The following EIF3H variants were observed in gnomAD, a reference collection of about 807,000 sequenced individuals.
The protein encoded by EIF3H is eIF-3-gamma.
EIF3H carries 26 observed loss-of-function variants against 44.2 expected under a neutral mutation model. The ratio of observed to expected loss-of-function variants is 0.59; its 90% confidence interval spans 0.43 to 0.82. EIF3H has a LOEUF of 0.82. Among genes scored for constraint, EIF3H ranks in the 40% least tolerant of loss-of-function variants. The pLI is 0.00. For missense variants in EIF3H, 359 were observed against 432.8 expected (o/e 0.83, Z 1.51); for synonymous variants, 166 against 151.9 (o/e 1.09, Z -0.68).
chr8:116,730,713 A>C (rs1814937359), intron 1 of EIF3H, among the ~76,000 whole-genome samples: 1 of 152,196 alleles, frequency 6.6e-6, no homozygotes, highest in Admixed American at 6.5e-5. Context: ...TCCCATAAAA[A>C]TGAAAGGATG....
intron 1 of EIF3H, among the ~76,000 whole-genome samples, chr8:116,755,216 G>C (rs1815419781): frequency 6.6e-6 from 1 of 152,180 alleles, no homozygotes; most frequent in Non-Finnish European, 1.5e-5. Context: ...CGAAGTACAG[G>C]CTCAAAAGAG....
intron 2 of EIF3H, among the ~76,000 whole-genome samples, chr8:116,665,813 A>G (rs1210143912): frequency 2.0e-5 from 3 of 152,236 alleles, no homozygotes; most frequent in Non-Finnish European, 2.9e-5. Flanking sequence ...CTTTTTGCCA[A>G]GCTGCACATA....
chr8:116,652,733 A>G (rs1002984047), intron 5 of EIF3H, among the ~76,000 whole-genome samples: 1 of 152,148 alleles, frequency 6.6e-6, no homozygotes, highest in Admixed American at 6.5e-5. Flanking sequence ...AAATTTAAAC[A>G]TAAATTTTTA....
At chr8:116,684,657 C>G (rs916769688) in intron 2 of EIF3H, among the ~76,000 whole-genome samples, 8 of 152,040 alleles carry the variant, frequency 5.3e-5, no homozygotes, top group Admixed American at 5.2e-4. Flanking sequence ...CTTTTCCAGA[C>G]TCAGAATTAT....
At chr8:116,764,986 T>A (rs779191470) in intron 1 of EIF3H, among the ~76,000 whole-genome samples, 2 of 152,106 alleles carry the variant, frequency 1.3e-5, no homozygotes, top group Non-Finnish European at 2.9e-5. Context: ...AAGACTAAAA[T>A]CCCTAGTGCT....
chr8:116,657,302 G>C lies in EIF3H; in HGVS notation c.470C>G (p.Thr157Ser). 2.5e-6 allele frequency: 4 copies of C among 1,612,382 alleles called. No individual in the cohort carries two copies. The highest frequency in any genetic ancestry group is 3.4e-6 in the Non-Finnish European group (4 of 1,178,588). ...SVVLIYDPIK[T>S]AQGSLSLKAY... ...CTTTAGTGAGAGAGATCCTTGGGCA[G>C]TTTTTATGGGATCTCAAACAAGGAA... The change falls in exon 4 of 8, where the codon ACT (threonine) becomes AGT (serine). Residue 157 changes from threonine (T) to serine (S), a missense_variant. Physicochemically the swap from Thr to Ser is moderately conservative, Grantham distance 58. Coordinates refer to ENST00000521861, the MANE Select transcript of EIF3H (RefSeq NM_003756.3).
At chr8:116,704,275 T>C (rs1814431243) in intron 2 of EIF3H, among the ~76,000 whole-genome samples, 1 of 152,218 alleles carries the variant, frequency 6.6e-6, no homozygotes. Context: ...TACTCAACTC[T>C]TAAAAGAGCC....
At chr8:116,706,948 C>T (rs892694500) in intron 2 of EIF3H, among the ~76,000 whole-genome samples, 1 of 152,108 alleles carries the variant, frequency 6.6e-6, no homozygotes, top group Non-Finnish European at 1.5e-5. Context: ...TAAGCTATGA[C>T]GTTTGGTAGG....
intron 2 of EIF3H, among the ~76,000 whole-genome samples, chr8:116,679,117 A>C (rs1344986332): frequency 8.8e-5 from 1 of 11,380 alleles, no homozygotes; most frequent in South Asian, 4.2e-3. Flanking sequence ...GGGAGGGGGG[A>C]GGGGGGGTCA....
At chr8:116,739,449 G>A (rs548474072) in intron 1 of EIF3H, among the ~76,000 whole-genome samples, 1 of 152,312 alleles carries the variant, frequency 6.6e-6, no homozygotes, top group African/African-American at 2.4e-5. Flanking sequence ...AGGAGATCGA[G>A]ACCATCCTGG....
Position 116,646,517 on chromosome 8 carries a change from G to C in EIF3H, c.915C>G (p.Phe305Leu), listed in dbSNP as rs1376804105. The change falls in exon 7 of 8, where the codon TTC becomes TTG. Residue 305 changes from phenylalanine (F) to leucine (L), a missense_variant. This residue lies in a region of EIF3H where 94 missense variants were observed against 96.0 expected (regional missense o/e 0.98). Transcript: ENST00000521861. Reference sequence around the variant, plus strand: ...TCCTGGCAGGCGGCTGTGGTGGTTTGAAGAGTTTGGACAGGTCCTCCTCAG... The same window carrying C: ...TCCTGGCAGGCGGCTGTGGTGGTTTCAAGAGTTTGGACAGGTCCTCCTCAG... ...PLPEEDLSKL[F>L]KPPQPPARMD... The C allele has an allele frequency of 6.2e-7, 1 of 1,614,210 alleles. No homozygotes were observed. Among genetic ancestry groups the C allele is most frequent in the Non-Finnish European group, 8.5e-7 (1 of 1,180,028 alleles).
chr8:116,750,683 T>C (rs1815321499), intron 1 of EIF3H, among the ~76,000 whole-genome samples: 1 of 151,602 alleles, frequency 6.6e-6, no homozygotes, highest in Non-Finnish European at 1.5e-5. Flanking sequence ...AGTGCTGGGA[T>C]TACAGGCGTG....
chr8:116,739,236 G>C (rs1048529635), intron 1 of EIF3H, among the ~76,000 whole-genome samples: 20 of 152,222 alleles, frequency 1.3e-4, no homozygotes, highest in African/African-American at 4.8e-4. Context: ...ACTAGCTTCT[G>C]CTGCAGATAA....
intron 2 of EIF3H, among the ~76,000 whole-genome samples, chr8:116,722,054 T>C (rs1283145489): frequency 6.6e-6 from 1 of 152,196 alleles, no homozygotes; most frequent in Non-Finnish European, 1.5e-5. Context: ...TGGAATGATA[T>C]GGTTTGGCTG....
intron 2 of EIF3H, among the ~76,000 whole-genome samples, chr8:116,703,801 T>C (rs747093087): frequency 1.3e-5 from 2 of 152,198 alleles, no homozygotes; most frequent in Non-Finnish European, 2.9e-5. Context: ...TAGGTGGTAG[T>C]GGTCCCCCAG....
chr8:116,657,847 TG>T (rs1293569046), intron 3 of EIF3H: 2 of 154,024 alleles, frequency 1.3e-5, no homozygotes, highest in African/African-American at 2.4e-5. Context: ...TTTCTGGTTT[TG>T]GAGAAACTAA....
intron 6 of EIF3H, among the ~76,000 whole-genome samples, chr8:116,647,139 G>A (rs956433956): frequency 1.3e-5 from 2 of 151,762 alleles, no homozygotes; most frequent in African/African-American, 4.8e-5. Flanking sequence ...AGGCTGGAGT[G>A]CAGTGGCACA....
At chr8:116,691,748 G>A (rs944768003) in intron 2 of EIF3H, among the ~76,000 whole-genome samples, 1 of 151,830 alleles carries the variant, frequency 6.6e-6, no homozygotes, top group African/African-American at 2.4e-5. Flanking sequence ...AGTTGTGCAC[G>A]CTTGTAATTC....
intron 5 of EIF3H, among the ~76,000 whole-genome samples, 195 bp downstream of exon 5, chr8:116,655,661 G>GA (rs1469167559): frequency 3.9e-5 from 6 of 152,126 alleles, no homozygotes; most frequent in Non-Finnish European, 7.4e-5. Flanking sequence ...ATAATGTGTT[G>GA]TTTCATGTTA....
Sources: allele counts gnomAD v4.1 joint callset (sites outside exome capture counted in the v4.1 genomes callset), GRCh38; gene constraint gnomAD v4.1.1; regional missense constraint gnomAD v4.1.1; transcripts MANE v1.5; gene names NCBI Gene and HGNC (gene_info 2026-07-23, HGNC 2026-07-21).